CDH13: variants seen among roughly 807,000 people sequenced by gnomAD.
CDH13 encodes cadherin 13.
In CDH13, 24 loss-of-function variants were observed where a neutral mutation model predicts 63.8. The ratio of observed to expected loss-of-function variants is 0.38; its 90% CI spans 0.27 to 0.53. The LOEUF (loss-of-function observed/expected upper bound fraction) is 0.53, where lower values mean the gene tolerates loss of function less well. Among genes scored for constraint, CDH13 ranks in the 20% least tolerant of loss-of-function variants. The probability of loss-of-function intolerance (pLI) is 0.85; values close to 1 mark genes in which losing one functional copy is unlikely to be tolerated. For synonymous variants in CDH13, 503 were observed against 355.3 expected, an observed-to-expected ratio of 1.42 and a Z score of -4.67; for missense variants, 1,049 against 903.1, an observed-to-expected ratio of 1.16 and a Z score of -2.07.
At chr16:83,083,940 C>T (rs913648159) in intron 3 of CDH13, among the ~76,000 whole-genome samples, 2 of 152,200 alleles carry the variant, frequency 1.3e-5, no homozygotes, top group African/African-American at 2.4e-5. Context: ...CTCACTATCT[C>T]GTTAATAACC....
chr16:83,626,155 A>C (rs1403720737), intron 8 of CDH13, among the ~76,000 whole-genome samples: 1 of 152,004 alleles, frequency 6.6e-6, no homozygotes, highest in African/African-American at 2.4e-5. Flanking sequence ...GGGCTACACA[A>C]GTTTGCTTCT....
intron 6 of CDH13, among the ~76,000 whole-genome samples, chr16:83,418,372 T>G (rs1419763306): frequency 6.6e-6 from 1 of 152,148 alleles, no homozygotes; most frequent in Non-Finnish European, 1.5e-5. Context: ...ATAATACCCA[T>G]AGGAAGCATG....
intron 1 of CDH13, among the ~76,000 whole-genome samples, chr16:82,666,004 T>C (rs1265960928): frequency 6.6e-6 from 1 of 152,202 alleles, no homozygotes; most frequent in Non-Finnish European, 1.5e-5. Flanking sequence ...GAAAAACTGT[T>C]GTCTAGTCAT....
chr16:83,693,776 T>C (rs1037797966), intron 10 of CDH13, among the ~76,000 whole-genome samples: 3 of 152,246 alleles, frequency 2.0e-5, no homozygotes, highest in African/African-American at 7.2e-5. Flanking sequence ...TAGTCATATT[T>C]TCTGCTAGTA....
intron 5 of CDH13, among the ~76,000 whole-genome samples, chr16:83,342,186 A>G (rs973690879): frequency 6.6e-5 from 10 of 152,214 alleles, no homozygotes; most frequent in Non-Finnish European, 1.0e-4. Context: ...GTAAATTGCA[A>G]TAGCCATATG....
chr16:82,670,570 A>G (rs1441115821), intron 1 of CDH13, among the ~76,000 whole-genome samples: 3 of 152,162 alleles, frequency 2.0e-5, no homozygotes, highest in Non-Finnish European at 2.9e-5. Context: ...ACTGAGGACT[A>G]TTGGGTAGAA....
intron 3 of CDH13, among the ~76,000 whole-genome samples, chr16:83,098,365 T>A (rs781559952): frequency 1.3e-5 from 2 of 152,236 alleles, no homozygotes; most frequent in East Asian, 3.8e-4. Context: ...ACATTGCTAT[T>A]ATTTTTTACT....
chr16:83,440,486 A>G (rs1411832746), intron 6 of CDH13, among the ~76,000 whole-genome samples: 1 of 152,096 alleles, frequency 6.6e-6, no homozygotes, highest in East Asian at 1.9e-4. Flanking sequence ...GTCACAGAAG[A>G]TGGACAGCAA....
chr16:82,948,270 C>A (rs950726293), intron 2 of CDH13, among the ~76,000 whole-genome samples: 2 of 152,098 alleles, frequency 1.3e-5, no homozygotes. Context: ...AGGACCAAGA[C>A]AATAAAGCAG....
chr16:83,564,604 T>A (rs1051071686), intron 7 of CDH13, among the ~76,000 whole-genome samples: 2 of 152,128 alleles, frequency 1.3e-5, no homozygotes, highest in African/African-American at 4.8e-5. Flanking sequence ...AGATGGGGTT[T>A]CACCATGTTG....
At chr16:83,544,527 C>G (rs753888898) in intron 7 of CDH13, among the ~76,000 whole-genome samples, 1 of 152,180 alleles carries the variant, frequency 6.6e-6, no homozygotes, top group Non-Finnish European at 1.5e-5. Flanking sequence ...CAATAAATTA[C>G]ATGAGATGTT....
intron 3 of CDH13, among the ~76,000 whole-genome samples, chr16:83,117,473 C>G (rs370660606): frequency 6.6e-6 from 1 of 152,214 alleles, no homozygotes; most frequent in Non-Finnish European, 1.5e-5. Flanking sequence ...TGAGCACTTC[C>G]AGCCCTCCTC....
At chr16:83,336,901 A>T (rs1567601014) in intron 5 of CDH13, among the ~76,000 whole-genome samples, 1 of 152,202 alleles carries the variant, frequency 6.6e-6, no homozygotes, top group Non-Finnish European at 1.5e-5. Flanking sequence ...TTCACCCAAG[A>T]AACCTTGTAA....
At chr16:82,940,317 A>G (rs943109975) in intron 2 of CDH13, among the ~76,000 whole-genome samples, 3 of 152,132 alleles carry the variant, frequency 2.0e-5, no homozygotes, top group East Asian at 3.9e-4. Flanking sequence ...TTCCACCTGT[A>G]AAATGGAGAC....
chr16:82,803,400 C>G (rs376324956), intron 1 of CDH13, among the ~76,000 whole-genome samples: 5 of 152,164 alleles, frequency 3.3e-5, no homozygotes, highest in African/African-American at 4.8e-5. Context: ...TACTGACTTT[C>G]TTAGCATGCG....
chr16:83,671,009 G>A (rs758816729), intron 9 of CDH13, 37 bp downstream of exon 9: 26 of 1,512,390 alleles, frequency 1.7e-5, no homozygotes, highest in Middle Eastern at 2.1e-4. Context: ...CTCCTCATGC[G>A]AGCACGGAGG....
chr16:83,265,668 C>G (rs529669476), intron 5 of CDH13, among the ~76,000 whole-genome samples: 1 of 140,650 alleles, frequency 7.1e-6, no homozygotes. Flanking sequence ...TCAAGAATAT[C>G]ATTTACAGGT....
chr16:82,715,712 C>T (rs545675120), intron 1 of CDH13, among the ~76,000 whole-genome samples: 1 of 152,268 alleles, frequency 6.6e-6, no homozygotes, highest in Admixed American at 6.5e-5. Flanking sequence ...GGAGACACTC[C>T]AGTGCAGGAA....
intron 5 of CDH13, among the ~76,000 whole-genome samples, chr16:83,259,348 C>G (rs920533096): frequency 3.3e-5 from 5 of 152,076 alleles, no homozygotes; most frequent in Admixed American, 6.6e-5. Context: ...GGGCACACAG[C>G]GAGTCTTCCA....
Sources: gnomAD v4.1 joint callset for allele counts (sites outside exome capture counted in the v4.1 genomes callset) on GRCh38, gnomAD v4.1.1 for gene constraint, MANE v1.5 for transcripts, NCBI Gene and HGNC (gene_info 2026-07-23, HGNC 2026-07-21) for gene names.